Variants in CEMIP2 observed in about 807,000 individuals in gnomAD.
The protein encoded by CEMIP2 is cell migration inducing hyaluronidase 2.
A neutral mutation model predicts 146.9 loss-of-function variants in CEMIP2; 79 were observed. That is an observed-to-expected ratio of 0.54 (90% CI 0.45 to 0.65). The LOEUF (loss-of-function observed/expected upper bound fraction) is 0.65. Among genes scored for constraint, CEMIP2 ranks in the 30% least tolerant of loss-of-function variants. The pLI is 0.00. For missense variants in CEMIP2, 1,596 were observed against 1,696.2 expected (o/e 0.94, Z 1.04); for synonymous variants, 601 against 606.3 (o/e 0.99, Z 0.13).
rs1178128153 is a variant in CEMIP2 at position 71,712,098 on chromosome 9, C to T, written c.2754G>A (p.Val918=). The change falls in exon 16 of 24, where the codon GTG becomes GTA. Residue 918 remains valine (V), a synonymous_variant. Coordinates refer to ENST00000377044, the MANE Select transcript of CEMIP2 (RefSeq NM_013390.3). Reference sequence around the variant, plus strand: ...ACATACTTACATGTGGACCAAACTTCACGAGGGAGATATTATTCCTGGGGG... The same window carrying T: ...ACATACTTACATGTGGACCAAACTTTACGAGGGAGATATTATTCCTGGGGG... ...QITPRNNISL[V]KFGPHVSLNV... 5.6e-6 allele frequency: 9 copies of T among 1,613,938 alleles called. No homozygotes were observed. The South Asian group carries it at 9.9e-5, about 18-fold the overall frequency.
At chr9:71,746,702 C>T (rs1400498561) in intron 2 of CEMIP2, among the ~76,000 whole-genome samples, 1 of 149,896 alleles carries the variant, frequency 6.7e-6, no homozygotes, top group African/African-American at 2.4e-5. Flanking sequence ...CACTAGAAAG[C>T]TGTTTTAGAA....
chr9:71,746,361 C>T lies in CEMIP2; in HGVS notation c.332-20G>A, dbSNP rs1824089275. 1 of 1,612,380 alleles carries T rather than the reference C, an allele frequency of 6.2e-7. No homozygotes were observed. The highest frequency in any genetic ancestry group is 8.5e-7 in the Non-Finnish European group (1 of 1,178,978). On this transcript the variant is annotated intron_variant, in intron 2 of 23. Transcript: ENST00000377044. ...AATTTTCTATAAACACATTGATATT[C>T]CATCCAACCCATTAAAATGCAGGAA...
chr9:71,744,935 G>T, intron 4 of CEMIP2, 83 bp downstream of exon 4: 1 of 1,425,954 alleles, frequency 7.0e-7, no homozygotes, highest in African/African-American at 1.4e-5. Context: ...GTCATGCTGT[G>T]GCTGTGGCTC....
At chr9:71,769,105 C>A (rs1180772414), upstream of CEMIP2, among the ~76,000 whole-genome samples, 6 of 151,732 alleles carry the variant, frequency 4.0e-5, no homozygotes, top group South Asian at 1.2e-3. Context: ...CAGCCAGCGC[C>A]CCCCGCTGCG....
intron 1 of CEMIP2, among the ~76,000 whole-genome samples, chr9:71,768,009 G>A (rs559935734): frequency 1.6e-3 from 251 of 152,256 alleles, no homozygotes; most frequent in African/African-American, 5.8e-3. Flanking sequence ...TGTTCGCACC[G>A]ACTTTGAAAG....
At chr9:71,727,995 A>G (rs1256229109) in intron 10 of CEMIP2, among the ~76,000 whole-genome samples, 1 of 151,872 alleles carries the variant, frequency 6.6e-6, no homozygotes, top group Non-Finnish European at 1.5e-5. Context: ...CAGGAGGCGG[A>G]GGTTGCAGTG....
At chr9:71,753,220 G>A (rs1192125474) in intron 1 of CEMIP2, among the ~76,000 whole-genome samples, 2 of 151,876 alleles carry the variant, frequency 1.3e-5, no homozygotes, top group East Asian at 3.8e-4. Context: ...TGTTTCTGAG[G>A]CTGCAATCAT....
Position 71,728,281 on chromosome 9 carries a change from GTA to G in CEMIP2, c.2049+1562_2049+1563del, listed in dbSNP as rs1228923367. ...TACACGTATATATATATATATATATGTATATATATATATATATATACATATAT... is the reference window on the plus strand; with the variant it reads ...TACACGTATATATATATATATATATGTATATATATATATATATACATATAT... On this transcript the variant is annotated intron_variant, in intron 10 of 23. Coordinates refer to ENST00000377044, the MANE Select transcript of CEMIP2 (RefSeq NM_013390.3). Among the ~76,000 whole-genome samples, 12 of 9,246 alleles carry G rather than the reference GTA, an allele frequency of 1.3e-3. 4 individuals carry two copies. Among genetic ancestry groups the G allele is most frequent in the African/African-American group, 5.2e-3 (11 of 2,096 alleles). The allele number at this position is 9,246 out of a possible 152,430, so 6.1% of individuals were successfully genotyped here.
chr9:71,728,282 T>TATATACACGTATATATATATATATGTAA, intron 10 of CEMIP2, among the ~76,000 whole-genome samples: 1 of 10,112 alleles, frequency 9.9e-5, no homozygotes, highest in African/African-American at 2.0e-4. Context: ...TATATATATG[T>TATATACACGTATATATATATATATGTAA]ATATATATAT....
chr9:71,764,255 C>T (rs1279022236), intron 1 of CEMIP2, among the ~76,000 whole-genome samples: 1 of 152,074 alleles, frequency 6.6e-6, no homozygotes, highest in Admixed American at 6.6e-5. Flanking sequence ...GTAACATCAC[C>T]CCACCATCAT....
In CEMIP2 at chr9:71,704,641, C is replaced by T; in HGVS notation, c.3148G>A (p.Gly1050Arg). The change falls in exon 18 of 24, where the codon GGG becomes AGG. Residue 1050 changes from glycine to arginine, a missense_variant. Gly to Arg is a moderately radical substitution (Grantham distance 125). Transcript: ENST00000377044. ...AGAAATGTAGTCCGTGGTGCCGGCC[C>T]ATTCCAGTGGATGGTATAACCCTTC... ...LEKGYTIHWN[G>R]PAPRTTFLYL... The T allele has an allele frequency of 6.2e-7, 1 of 1,614,150 alleles. No individual in the cohort carries two copies. Among genetic ancestry groups the T allele is most frequent in the Non-Finnish European group, 8.5e-7 (1 of 1,180,032 alleles).
intron 18 of CEMIP2, among the ~76,000 whole-genome samples, chr9:71,704,192 T>G (rs1286287723): frequency 2.0e-5 from 3 of 152,200 alleles, no homozygotes; most frequent in Non-Finnish European, 2.9e-5. Context: ...TAGCAGGCAT[T>G]ACTAATCCAT....
chr9:71,705,957 A>G (rs1428138361), intron 17 of CEMIP2, among the ~76,000 whole-genome samples: 3 of 152,012 alleles, frequency 2.0e-5, no homozygotes, highest in Non-Finnish European at 4.4e-5. Context: ...GGCCAGGCAC[A>G]GTGGCTCATG....
chr9:71,713,196 C>A (rs59244476), intron 15 of CEMIP2, among the ~76,000 whole-genome samples: 3 of 152,096 alleles, frequency 2.0e-5, no homozygotes, highest in African/African-American at 7.2e-5. Flanking sequence ...AGGGACCCAG[C>A]GGGAGATGAC....
rs1290891967 is a variant in CEMIP2 at position 71,750,311 on chromosome 9, A to C, written c.63T>G (p.Ser21Arg). Reference protein sequence around the residue: ...PAFLQPQNGNSRHPSGYVPGK... With the variant: ...PAFLQPQNGNRRHPSGYVPGK... ...CTGGAACATAGCCAGATGGGTGACG[A>C]CTATTTCCATTCTGAGGTTGGAGGA... is the stretch of plus-strand genomic sequence containing the variant. Residue 21 changes from serine to arginine, a missense_variant, in exon 2 of 24, where the codon AGT (serine) becomes AGG (arginine). Coordinates refer to ENST00000377044, the MANE Select transcript of CEMIP2 (RefSeq NM_013390.3). 8 of 1,613,902 alleles carry C rather than the reference A, an allele frequency of 5.0e-6. No individual in the cohort carries two copies. In the South Asian group the frequency reaches 7.7e-5, roughly 16 times the overall value.
chr9:71,747,996 T>C (rs1824136136), intron 2 of CEMIP2, among the ~76,000 whole-genome samples: 1 of 152,168 alleles, frequency 6.6e-6, no homozygotes, highest in African/African-American at 2.4e-5. Flanking sequence ...AAAAAAACTC[T>C]TAAATTTGTT....
At chr9:71,758,917 TTG>T (rs1824544710) in intron 1 of CEMIP2, among the ~76,000 whole-genome samples, 1 of 152,236 alleles carries the variant, frequency 6.6e-6, no homozygotes, top group African/African-American at 2.4e-5. Context: ...CACAGCGCTT[TTG>T]TCTTTTTCCT....
At chr9:71,710,833 C>T (rs1210933416) in intron 16 of CEMIP2, among the ~76,000 whole-genome samples, 2 of 152,070 alleles carry the variant, frequency 1.3e-5, no homozygotes, top group Non-Finnish European at 2.9e-5. Flanking sequence ...AGTCACATGG[C>T]CTAAAAAAGA....
At chr9:71,701,101 G>C (rs552983433) in intron 18 of CEMIP2, among the ~76,000 whole-genome samples, 1 of 150,666 alleles carries the variant, frequency 6.6e-6, no homozygotes, top group Non-Finnish European at 1.5e-5. Flanking sequence ...TTTTGTTTTT[G>C]TTTTTTTGTT....
Sources: allele counts gnomAD v4.1 joint callset (sites outside exome capture counted in the v4.1 genomes callset), GRCh38; gene constraint gnomAD v4.1.1; transcripts MANE v1.5; gene names NCBI Gene and HGNC (gene_info 2026-07-23, HGNC 2026-07-21).